UPF2: variants seen among roughly 807,000 people sequenced by gnomAD.
UPF2 encodes UPF2 regulator of nonsense mediated mRNA decay, also known as regulator of nonsense transcripts 2.
Under a neutral mutation model 141.4 loss-of-function variants are expected in UPF2, and 17 were observed. The ratio of observed to expected loss-of-function variants is 0.12; its 90% CI spans 0.08 to 0.18. The LOEUF (loss-of-function observed/expected upper bound fraction) is 0.18, where lower values mean the gene tolerates loss of function less well. Among genes scored for constraint, UPF2 ranks in the 10% least tolerant of loss-of-function variants. The probability of loss-of-function intolerance (pLI) is 1.00; values close to 1 mark genes in which losing one functional copy is unlikely to be tolerated. For missense variants in UPF2, 1,152 were observed against 1,515.9 expected (o/e 0.76, Z 3.99); for synonymous variants, 540 against 498.0 (o/e 1.08, Z -1.12).
At position 11,921,947 on chromosome 10, in the gene UPF2, C is replaced by T. The variant is rs1394626698; in HGVS notation, c.3810-640G>A. Among the ~76,000 whole-genome samples, 2 of 152,156 alleles carry T rather than the reference C, an allele frequency of 1.3e-5. No homozygotes were observed. Among genetic ancestry groups the T allele is most frequent in the South Asian group, 2.1e-4 (1 of 4,818 alleles). On this transcript the variant is annotated intron_variant, in intron 21 of 21. Transcript: ENST00000357604. The surrounding 1 kb of genome is among the most constrained non-coding windows in gnomAD (Gnocchi z 5.9). ...TATTTGGAAACAAGGTTGCTGTAGA[C>T]GTAATTACTTCAGATAAGGCCATAC...
chr10:11,942,192 G>A (rs1023281914), intron 18 of UPF2, among the ~76,000 whole-genome samples: 1 of 152,052 alleles, frequency 6.6e-6, no homozygotes, highest in East Asian at 1.9e-4. Flanking sequence ...TGGCCAACAC[G>A]GTAAAACGCT....
At chr10:11,923,970 T>C (rs79075648) in intron 21 of UPF2, among the ~76,000 whole-genome samples, 2,306 of 152,318 alleles carry the variant, frequency 0.015, 50 homozygotes, top group African/African-American at 0.049. Flanking sequence ...ATTTTAAAGT[T>C]TGAGAAGCAT....
intron 8 of UPF2, among the ~76,000 whole-genome samples, chr10:11,989,820 G>T (rs1833750267): frequency 6.6e-6 from 1 of 152,168 alleles, no homozygotes; most frequent in Non-Finnish European, 1.5e-5. Flanking sequence ...TAGAAGCCAT[G>T]CTAGTGACGT....
At chr10:12,034,284 A>C (rs1025416069) in intron 2 of UPF2, among the ~76,000 whole-genome samples, 2 of 152,154 alleles carry the variant, frequency 1.3e-5, no homozygotes, top group Non-Finnish European at 2.9e-5. Context: ...TAAAAAATGG[A>C]GTACTATCAT....
At chr10:11,985,089 A>G (rs1323885650) in intron 8 of UPF2, among the ~76,000 whole-genome samples, 1 of 152,206 alleles carries the variant, frequency 6.6e-6, no homozygotes, top group Non-Finnish European at 1.5e-5. Context: ...ACACGGGAAA[A>G]TGCTTTCAGC....
chr10:11,920,397 C>T lies in UPF2; in HGVS notation c.*901G>A, dbSNP rs1832625851. On this transcript the variant is annotated 3_prime_UTR_variant, in exon 22 of 22. Coordinates refer to ENST00000357604, the MANE Select transcript of UPF2 (RefSeq NM_015542.4). ...GCAAAATAAAAGCTCTACTTGTTTC[C>T]ATACTTTGTTTAGAGACAGAGGCTG... 6.6e-6 allele frequency: 1 copy of T among 152,028 alleles called. No individual in the cohort carries two copies. The highest frequency in any genetic ancestry group is 1.5e-5 in the Non-Finnish European group (1 of 68,002). 9.4% of individuals were successfully genotyped at this position (152,028 alleles called of 1,614,324 possible).
intron 2 of UPF2, among the ~76,000 whole-genome samples, chr10:12,032,005 T>C (rs1451889145): frequency 6.6e-6 from 1 of 152,068 alleles, no homozygotes; most frequent in Non-Finnish European, 1.5e-5. Flanking sequence ...TAAGAAAGTA[T>C]GTACAAGGCT....
At chr10:12,018,606 G>T (rs11812789) in intron 3 of UPF2, among the ~76,000 whole-genome samples, 1 of 151,766 alleles carries the variant, frequency 6.6e-6, no homozygotes, top group African/African-American at 2.4e-5. Context: ...ACAAAAATTA[G>T]TTGGATGCGG....
chr10:12,032,758 C>A (rs892691049), intron 2 of UPF2, among the ~76,000 whole-genome samples: 97 of 147,856 alleles, frequency 6.6e-4, no homozygotes, highest in African/African-American at 2.4e-3. Context: ...AAAAAAGACT[C>A]TCTTAAGAAT....
At chr10:12,001,099 G>A (rs765813592) in intron 6 of UPF2, among the ~76,000 whole-genome samples, 3 of 152,108 alleles carry the variant, frequency 2.0e-5, no homozygotes, top group Non-Finnish European at 2.9e-5. Flanking sequence ...ATCACAGAAG[G>A]GGTAGCGAGA....
At chr10:11,988,986 C>T (rs1337103533) in intron 8 of UPF2, among the ~76,000 whole-genome samples, 2 of 152,166 alleles carry the variant, frequency 1.3e-5, no homozygotes, top group Non-Finnish European at 1.5e-5. Context: ...AAGCCGTCCC[C>T]CTCAGGGATA....
At chr10:11,928,734 A>G (rs1443866740) in intron 21 of UPF2, 8 of 357,246 alleles carry the variant, frequency 2.2e-5, no homozygotes, top group Non-Finnish European at 1.6e-5. Flanking sequence ...TAAAAACCAT[A>G]AAAGAGGTCT....
At chr10:11,966,820 A>G (rs1320849159) in intron 10 of UPF2, among the ~76,000 whole-genome samples, 1 of 152,242 alleles carries the variant, frequency 6.6e-6, no homozygotes, top group East Asian at 1.9e-4. Context: ...TAGCCAACTG[A>G]GAAAAAATTT....
chr10:11,962,022 C>T (rs983268760), intron 11 of UPF2, among the ~76,000 whole-genome samples: 12 of 152,184 alleles, frequency 7.9e-5, no homozygotes, highest in African/African-American at 2.9e-4. Flanking sequence ...GAAAAGACTC[C>T]CATGTTTAAA....
intron 19 of UPF2, among the ~76,000 whole-genome samples, chr10:11,933,630 T>G (rs1349068614): frequency 6.6e-6 from 1 of 152,254 alleles, no homozygotes; most frequent in Non-Finnish European, 1.5e-5. Context: ...AATCTTATTT[T>G]GACCCATACA....
chr10:12,033,055 G>A lies in UPF2; in HGVS notation c.365+2004C>T, dbSNP rs951154079. Among the ~76,000 whole-genome samples the A allele has an allele frequency of 3.9e-5, 6 of 152,254 alleles. No homozygotes were observed. In the South Asian group the frequency reaches 1.2e-3, roughly 32 times the overall value. On this transcript the variant is annotated intron_variant, in intron 2 of 21. Coordinates refer to ENST00000357604, the MANE Select transcript of UPF2 (RefSeq NM_015542.4). ...AAGTCCTAAAGAACAACTCTGAGAA[G>A]AAAGGTGGCTGTTCTAGAGATCTAT...
intron 8 of UPF2, among the ~76,000 whole-genome samples, chr10:11,987,245 C>A (rs756819478): frequency 1.3e-5 from 2 of 152,136 alleles, no homozygotes; most frequent in Non-Finnish European, 2.9e-5. Context: ...AGATGATCTG[C>A]GCAGCAAACC....
At chr10:11,994,892 C>T (rs1833839547) in intron 8 of UPF2, among the ~76,000 whole-genome samples, 1 of 138,456 alleles carries the variant, frequency 7.2e-6, no homozygotes, top group African/African-American at 2.7e-5. Context: ...AGGAGAATGG[C>T]GTGAACCTGG....
chr10:11,946,855 T>C (rs1163747825), intron 16 of UPF2, among the ~76,000 whole-genome samples: 1 of 152,138 alleles, frequency 6.6e-6, no homozygotes, highest in Non-Finnish European at 1.5e-5. Context: ...GCTGGTACTA[T>C]AGATGTGCAC....
Sources: allele counts gnomAD v4.1 joint callset (sites outside exome capture counted in the v4.1 genomes callset), GRCh38; gene constraint gnomAD v4.1.1; non-coding constraint Gnocchi (gnomAD v3.1); transcripts MANE v1.5; gene names NCBI Gene and HGNC (gene_info 2026-07-23, HGNC 2026-07-21).